The following TENM3 variants were observed in gnomAD, a reference collection of about 807,000 sequenced individuals.
The protein encoded by TENM3 is teneurin transmembrane protein 3.
In TENM3, 63 loss-of-function variants were observed where a neutral mutation model predicts 255.1. The observed-to-expected ratio is 0.25, with a 90% confidence interval of 0.20 to 0.30. The LOEUF (loss-of-function observed/expected upper bound fraction) is 0.30, where lower values mean the gene tolerates loss of function less well. Ranked by LOEUF, TENM3 falls within the 10% of genes least tolerant of loss-of-function variation. The probability of loss-of-function intolerance (pLI) is 1.00; values close to 1 mark genes in which losing one functional copy is unlikely to be tolerated. For synonymous variants in TENM3, 1,306 were observed against 1,322.3 expected, an observed-to-expected ratio of 0.99 and a Z score of 0.27; for missense variants, 2,929 against 3,461.1, an observed-to-expected ratio of 0.85 and a Z score of 3.86.
chr4:181,950,302 T>G, the TENM3 span, among the ~76,000 whole-genome samples: 1 of 151,930 alleles, frequency 6.6e-6, no homozygotes, highest in African/African-American at 2.4e-5. Flanking sequence ...GCCCCACCCT[T>G]ATCTTCCTTC....
At chr4:182,630,784 C>G (rs1751298195) in intron 5 of TENM3, among the ~76,000 whole-genome samples, 1 of 148,848 alleles carries the variant, frequency 6.7e-6, no homozygotes, top group African/African-American at 2.5e-5. Flanking sequence ...TTTTTTTTTA[C>G]TAAATGGGGC....
chr4:182,386,617 T>G (rs1424174628), intron 3 of TENM3, among the ~76,000 whole-genome samples: 2 of 150,472 alleles, frequency 1.3e-5, no homozygotes, highest in Non-Finnish European at 3.0e-5. Flanking sequence ...CAGCTGTAGT[T>G]CCGGGTGGGC....
At chr4:182,334,540 A>C (rs1516534) in intron 2 of TENM3, among the ~76,000 whole-genome samples, 113,821 of 151,590 alleles carry the variant, frequency 0.75, 42,863 homozygotes, top group Admixed American at 0.85. Context: ...AATGGAGTTA[A>C]TATGTATTTT....
intron 22 of TENM3, among the ~76,000 whole-genome samples, chr4:182,761,941 C>T (rs1763235719): frequency 6.6e-6 from 1 of 152,176 alleles, no homozygotes; most frequent in African/African-American, 2.4e-5. Flanking sequence ...AAAGTGACTG[C>T]TGTACATTTC....
chr4:182,306,384 A>G (rs1762134472), intron 1 of TENM3, among the ~76,000 whole-genome samples: 1 of 152,154 alleles, frequency 6.6e-6, no homozygotes, highest in South Asian at 2.1e-4. Flanking sequence ...TCAGGTTTGT[A>G]CAGCCAAGTT....
rs777330652 is a variant in TENM3, at chr4:182,793,469, C to T, written c.6797C>T (p.Ser2266Leu). 6 of 1,613,876 alleles carry T rather than the reference C, an allele frequency of 3.7e-6. No individual in the cohort carries two copies. In the South Asian group the frequency reaches 5.5e-5, roughly 15 times the overall value. The change falls in exon 26 of 28, where the codon TCG (serine) becomes TTG (leucine). Residue 2266 changes from serine to leucine, a missense_variant. Around this residue, in one of 6 missense-constraint regions of TENM3, gnomAD observed 256 missense variants for 389.3 expected, o/e 0.66. Coordinates refer to ENST00000511685, the MANE Select transcript of TENM3 (RefSeq NM_001080477.4). The surrounding 1 kb of genome is among the most constrained non-coding windows in gnomAD (Gnocchi z 5.7). Reference sequence around the variant, plus strand: ...AGGATTACTCATGTCTACAACCATTCGAGTTCAGAAATTACCTCCCTGTAT... The same window carrying T: ...AGGATTACTCATGTCTACAACCATTTGAGTTCAGAAATTACCTCCCTGTAT... Reference protein sequence around the residue: ...PTRITHVYNHSSSEITSLYYD... With the variant: ...PTRITHVYNHLSSEITSLYYD...
chr4:181,560,133 T>A, the TENM3 span, among the ~76,000 whole-genome samples: 1 of 152,178 alleles, frequency 6.6e-6, no homozygotes, highest in Non-Finnish European at 1.5e-5. Context: ...GCTGGGAAGT[T>A]CAAGGTTTAG....
chr4:181,654,774 A>C, the TENM3 span, among the ~76,000 whole-genome samples: 1 of 150,626 alleles, frequency 6.6e-6, no homozygotes, highest in Admixed American at 6.6e-5. Context: ...AAAAAAAAAA[A>C]GAAGTGGTCC....
the TENM3 span, among the ~76,000 whole-genome samples, chr4:181,570,136 C>CCG: frequency 4.9e-3 from 744 of 150,908 alleles, 5 homozygotes; most frequent in African/African-American, 0.017. Context: ...AGCTCCGCCT[C>CCG]CCGGGTTCAC....
chr4:181,654,558 A>G, the TENM3 span, among the ~76,000 whole-genome samples: 1 of 152,104 alleles, frequency 6.6e-6, no homozygotes, highest in South Asian at 2.1e-4. Context: ...GTTCAAGACC[A>G]GCCTGGCCAA....
At chr4:181,599,338 A>G in the TENM3 span, among the ~76,000 whole-genome samples, 1 of 152,240 alleles carries the variant, frequency 6.6e-6, no homozygotes, top group Non-Finnish European at 1.5e-5. Context: ...TATAAATGCC[A>G]CATTAAAAAA....
intron 16 of TENM3, among the ~76,000 whole-genome samples, chr4:182,734,714 A>C (rs1371978545): frequency 6.6e-6 from 1 of 152,192 alleles, no homozygotes; most frequent in Non-Finnish European, 1.5e-5. Flanking sequence ...TTATTTTCCC[A>C]CTTTGGCTGG....
At chr4:181,924,739 G>A in the TENM3 span, among the ~76,000 whole-genome samples, 2 of 151,826 alleles carry the variant, frequency 1.3e-5, no homozygotes, top group Non-Finnish European at 2.9e-5. Flanking sequence ...AGTTTGTATT[G>A]GCTCTCTTTC....
chr4:182,456,463 A>T (rs1003331012), intron 3 of TENM3, among the ~76,000 whole-genome samples: 1 of 152,156 alleles, frequency 6.6e-6, no homozygotes, highest in African/African-American at 2.4e-5. Flanking sequence ...CTAAGTTCCG[A>T]TAGGTGTTAG....
the TENM3 span, among the ~76,000 whole-genome samples, chr4:181,857,572 A>AAAAAAAAAAAAAG: frequency 2.3e-5 from 1 of 43,044 alleles, no homozygotes; most frequent in African/African-American, 1.8e-4. Context: ...AAAAAAAAAA[A>AAAAAAAAAAAAAG]AAACAAAACA....
At chr4:181,651,125 G>A in the TENM3 span, among the ~76,000 whole-genome samples, 1 of 152,158 alleles carries the variant, frequency 6.6e-6, no homozygotes, top group Non-Finnish European at 1.5e-5. Flanking sequence ...TTAACCTATG[G>A]TTGATGAGTA....
In TENM3 at chr4:182,505,640, G is replaced by A. The variant is rs1034588261; in HGVS notation, c.512-95284G>A. On this transcript the variant is annotated intron_variant, in intron 3 of 27. Transcript: ENST00000511685. ...ATTACAGGCACCCACTACCACGCCC[G>A]GCTATTTTTTTTTATTTTCAGTAGA... is the stretch of plus-strand genomic sequence containing the variant. Among the ~76,000 whole-genome samples, 11 of 151,990 alleles carry A rather than the reference G, an allele frequency of 7.2e-5. No homozygotes were observed. The East Asian group carries it at 9.7e-4, about 13-fold the overall frequency.
the TENM3 span, among the ~76,000 whole-genome samples, chr4:181,950,843 C>T: frequency 2.0e-5 from 3 of 152,134 alleles, no homozygotes; most frequent in African/African-American, 7.2e-5. Context: ...GAGTTCAAGA[C>T]CAGCCTGGGC....
the TENM3 span, among the ~76,000 whole-genome samples, chr4:181,809,460 CTGTT>C: frequency 1.3e-5 from 2 of 152,286 alleles, no homozygotes; most frequent in Non-Finnish European, 2.9e-5. Flanking sequence ...ACAGGTGTCT[CTGTT>C]TGTGGCTCGT....
Sources: gnomAD v4.1 joint callset for allele counts (sites outside exome capture counted in the v4.1 genomes callset) on GRCh38, gnomAD v4.1.1 for gene constraint, gnomAD v4.1.1 regional missense constraint, Gnocchi (gnomAD v3.1) non-coding constraint, MANE v1.5 for transcripts, NCBI Gene and HGNC (gene_info 2026-07-23, HGNC 2026-07-21) for gene names.